KIRREL3: variants seen among roughly 807,000 people sequenced by gnomAD.
KIRREL3 encodes the protein kirre like nephrin family adhesion molecule 3.
In KIRREL3, 36 loss-of-function variants were observed where a neutral mutation model predicts 89.7. The ratio of observed to expected loss-of-function variants is 0.40; its 90% confidence interval spans 0.31 to 0.53. The LOEUF is 0.53. KIRREL3 is among the 20% of genes least tolerant of loss of function. KIRREL3 has a pLI of 0.49. For missense variants in KIRREL3, 864 were observed against 1,056.6 expected (o/e 0.82, Z 2.53); for synonymous variants, 445 against 441.4 (o/e 1.01, Z -0.10).
At chr11:126,952,214 T>A (rs1177073918) in intron 1 of KIRREL3, among the ~76,000 whole-genome samples, 2 of 152,120 alleles carry the variant, frequency 1.3e-5, no homozygotes, top group Non-Finnish European at 2.9e-5. Context: ...AGTGAGACCC[T>A]GTCTCTACCA....
At chr11:126,701,804 C>A (rs1947323115) in intron 1 of KIRREL3, among the ~76,000 whole-genome samples, 1 of 152,116 alleles carries the variant, frequency 6.6e-6, no homozygotes, top group Non-Finnish European at 1.5e-5. Flanking sequence ...TCCTTCTCTG[C>A]CCTGTACCTC....
At position 126,876,783 on chromosome 11, in the gene KIRREL3, C is replaced by A. The variant is rs1254141223; in HGVS notation, c.55+123672G>T. Among the ~76,000 whole-genome samples, 1 of 152,144 alleles carries A rather than the reference C, an allele frequency of 6.6e-6. No homozygotes were observed. Among genetic ancestry groups the A allele is most frequent in the African/African-American group, 2.4e-5 (1 of 41,438 alleles). ...TTGAACTCATGACCTGATCTGCCCGCCTCAGCCTCCCGAAGTGCTAGGATT... is the reference window on the plus strand; with the variant it reads ...TTGAACTCATGACCTGATCTGCCCGACTCAGCCTCCCGAAGTGCTAGGATT... On this transcript the variant is annotated intron_variant, in intron 1 of 16. Transcript: ENST00000525144. This position sits in a 1 kb window ranked among gnomAD's most constrained non-coding sequence, Gnocchi z 4.1.
intron 2 of KIRREL3, among the ~76,000 whole-genome samples, chr11:126,552,866 A>G (rs1335473234): frequency 1.3e-5 from 2 of 149,052 alleles, no homozygotes; most frequent in Admixed American, 1.3e-4. Flanking sequence ...CCAGGCCAAG[A>G]AAAGCTTTTT....
chr11:126,566,481 A>G lies in KIRREL3; in HGVS notation c.56-3569T>C, dbSNP rs757899224. On this transcript the variant is annotated intron_variant, in intron 1 of 16. Transcript: ENST00000525144. The surrounding 1 kb of genome is among the most constrained non-coding windows in gnomAD (Gnocchi z 4.9). Reference sequence around the variant, plus strand: ...GACTTAATGAAAGGGCTGGCTACAAAATATGGGACTGTGAAGGGTTCCTTC... The same window carrying G: ...GACTTAATGAAAGGGCTGGCTACAAGATATGGGACTGTGAAGGGTTCCTTC... Among the ~76,000 whole-genome samples the G allele has an allele frequency of 4.6e-5, 7 of 152,198 alleles. No homozygotes were observed. The highest frequency in any genetic ancestry group is 8.8e-5 in the Non-Finnish European group (6 of 68,036).
At chr11:126,646,689 G>T (rs1944698875) in intron 1 of KIRREL3, among the ~76,000 whole-genome samples, 1 of 151,976 alleles carries the variant, frequency 6.6e-6, no homozygotes, top group Admixed American at 6.6e-5. Flanking sequence ...TGGCCAGACT[G>T]GTCTCGAACT....
In KIRREL3 at chr11:126,445,066, G is replaced by T; in HGVS notation, c.1165C>A (p.Arg389Ser). The change falls in exon 10 of 17, where the codon CGC becomes AGC. Residue 389 changes from arginine to serine, a missense_variant. Physicochemically the swap from Arg to Ser is moderately radical, Grantham distance 110. Coordinates refer to ENST00000525144, the MANE Select transcript of KIRREL3 (RefSeq NM_032531.4). Reference protein sequence around the residue: ...NEKTLTLKSVRQEDAGKYVCR... With the variant: ...NEKTLTLKSVSQEDAGKYVCR... ...ACGTACTTGCCCGCGTCCTCCTGGCGCACGGATTTGAGGGTCAGGGTCTTC... is the reference window on the plus strand; with the variant it reads ...ACGTACTTGCCCGCGTCCTCCTGGCTCACGGATTTGAGGGTCAGGGTCTTC... 2 of 1,613,994 alleles carry T rather than the reference G, an allele frequency of 1.2e-6. No homozygotes were observed. Among genetic ancestry groups the T allele is most frequent in the Non-Finnish European group, 1.7e-6 (2 of 1,179,890 alleles).
Position 126,689,604 on chromosome 11 carries a change from C to T in KIRREL3, c.56-126692G>A, listed in dbSNP as rs906400876. ...ACATGCCTGATTATTCTATCCAAAC[C>T]CAGCCAGGAGATGGGAAGAGACATC... is the stretch of plus-strand genomic sequence containing the variant. On this transcript the variant is annotated intron_variant, in intron 1 of 16. Transcript: ENST00000525144. This position sits in a 1 kb window ranked among gnomAD's most constrained non-coding sequence, Gnocchi z 5.2. Among the ~76,000 whole-genome samples the T allele has an allele frequency of 1.3e-5, 2 of 152,186 alleles. No homozygotes were observed. Among genetic ancestry groups the T allele is most frequent in the African/African-American group, 4.8e-5 (2 of 41,448 alleles).
chr11:126,988,288 G>C (rs1056726619), intron 1 of KIRREL3, among the ~76,000 whole-genome samples: 1 of 152,206 alleles, frequency 6.6e-6, no homozygotes, highest in African/African-American at 2.4e-5. Flanking sequence ...TGGAGGCAGA[G>C]AGCAGTCGCT....
intron 1 of KIRREL3, among the ~76,000 whole-genome samples, chr11:126,604,317 T>C (rs772645265): frequency 3.9e-5 from 6 of 152,228 alleles, no homozygotes; most frequent in Non-Finnish European, 8.8e-5. Context: ...ATTCTGTTCC[T>C]AAGCTAGGAT....
Position 126,843,691 on chromosome 11 carries a change from A to G in KIRREL3, c.55+156764T>C, listed in dbSNP as rs918743659. Reference sequence around the variant, plus strand: ...AATTTTCCCAGTAAGTTAATCACAGAATGAGATAGGAGGTCAGCACAAGAT... The same window carrying G: ...AATTTTCCCAGTAAGTTAATCACAGGATGAGATAGGAGGTCAGCACAAGAT... On this transcript the variant is annotated intron_variant, in intron 1 of 16. Transcript: ENST00000525144. The surrounding 1 kb of genome is among the most constrained non-coding windows in gnomAD (Gnocchi z 4.6). 6.6e-6 allele frequency among the ~76,000 whole-genome samples: 1 copy of G among 152,178 alleles called. No individual in the cohort carries two copies. Among genetic ancestry groups the G allele is most frequent in the Non-Finnish European group, 1.5e-5 (1 of 68,038 alleles).
intron 1 of KIRREL3, among the ~76,000 whole-genome samples, chr11:126,758,895 T>C (rs1056778389): frequency 6.6e-6 from 1 of 152,120 alleles, no homozygotes; most frequent in Non-Finnish European, 1.5e-5. Context: ...GAATGAGACC[T>C]CTTGGAATTA....
chr11:126,648,549 C>T (rs1015311682), intron 1 of KIRREL3, among the ~76,000 whole-genome samples: 5 of 152,212 alleles, frequency 3.3e-5, no homozygotes, highest in South Asian at 2.1e-4. Flanking sequence ...TGCCTATCTC[C>T]ATCTGACATG....
At position 126,579,185 on chromosome 11, in the gene KIRREL3, C is replaced by T. The variant is rs566194989; in HGVS notation, c.56-16273G>A. Among the ~76,000 whole-genome samples, 4 of 152,284 alleles carry T rather than the reference C, an allele frequency of 2.6e-5. No homozygotes were observed. In the South Asian group the frequency reaches 8.3e-4, roughly 32 times the overall value. On this transcript the variant is annotated intron_variant, in intron 1 of 16. Coordinates refer to ENST00000525144, the MANE Select transcript of KIRREL3 (RefSeq NM_032531.4). This position sits in a 1 kb window ranked among gnomAD's most constrained non-coding sequence, Gnocchi z 5.3. ...TGGAGGATGAACGGGTCGTCTAAAACAGATGACGCTGGTGCGGGCCCCAGG... is the reference window on the plus strand; with the variant it reads ...TGGAGGATGAACGGGTCGTCTAAAATAGATGACGCTGGTGCGGGCCCCAGG...
At chr11:126,589,966 C>G (rs1942059606) in intron 1 of KIRREL3, among the ~76,000 whole-genome samples, 1 of 152,186 alleles carries the variant, frequency 6.6e-6, no homozygotes, top group Non-Finnish European at 1.5e-5. Context: ...CAGGGGCTCC[C>G]TCTGAATACC....
chr11:126,559,958 C>A (rs1939991836), intron 2 of KIRREL3, among the ~76,000 whole-genome samples: 1 of 152,184 alleles, frequency 6.6e-6, no homozygotes, highest in Admixed American at 6.5e-5. Flanking sequence ...GCTGGGATTA[C>A]AGGCATGAGC....
rs1944445337 is a variant in KIRREL3 at position 126,640,957 on chromosome 11, C to CGG, written c.56-78046_56-78045insCC. Among the ~76,000 whole-genome samples the CGG allele has an allele frequency of 6.6e-6, 1 of 152,182 alleles. No homozygotes were observed. The highest frequency in any genetic ancestry group is 1.5e-5 in the Non-Finnish European group (1 of 68,030). ...TCCACAGCCTAGACCACCCCCTAAACTCTGGACTCATCTATCCAATTGCCT... is the reference window on the plus strand; with the variant it reads ...TCCACAGCCTAGACCACCCCCTAAACGGTCTGGACTCATCTATCCAATTGCCT... On this transcript the variant is annotated intron_variant, in intron 1 of 16. Coordinates refer to ENST00000525144, the MANE Select transcript of KIRREL3 (RefSeq NM_032531.4). The surrounding 1 kb of genome is among the most constrained non-coding windows in gnomAD (Gnocchi z 4.9).
intron 1 of KIRREL3, among the ~76,000 whole-genome samples, chr11:126,980,316 A>C (rs1382686717): frequency 6.6e-6 from 1 of 152,208 alleles, no homozygotes; most frequent in Non-Finnish European, 1.5e-5. Context: ...ATGGTGCCAG[A>C]CAGAATGAAT....
At chr11:126,926,740 A>C (rs575586980) in intron 1 of KIRREL3, among the ~76,000 whole-genome samples, 1 of 152,338 alleles carries the variant, frequency 6.6e-6, no homozygotes, top group South Asian at 2.1e-4. Flanking sequence ...GCCAAGCAGC[A>C]TGGAAACCTC....
In KIRREL3 at chr11:126,655,999, G is replaced by C; in HGVS notation, c.56-93087C>G. On this transcript the variant is annotated intron_variant, in intron 1 of 16. Coordinates refer to ENST00000525144, the MANE Select transcript of KIRREL3 (RefSeq NM_032531.4). The surrounding 1 kb of genome is among the most constrained non-coding windows in gnomAD (Gnocchi z 5.0). ...GAAGGAGGGGTGGGAGGAGGCCTTA[G>C]AAGCTAATTAGAATCCTCTAGAAGT... The C allele has an allele frequency of 3.5e-6, 1 of 286,478 alleles. No individual in the cohort carries two copies. The highest frequency in any genetic ancestry group is 3.3e-5 in the South Asian group (1 of 30,160). The allele number at this position is 286,478 out of a possible 1,614,324, so 17.7% of individuals were successfully genotyped here.
Sources: allele counts gnomAD v4.1 joint callset (sites outside exome capture counted in the v4.1 genomes callset), GRCh38; gene constraint gnomAD v4.1.1; non-coding constraint Gnocchi (gnomAD v3.1); transcripts MANE v1.5; gene names NCBI Gene and HGNC (gene_info 2026-07-23, HGNC 2026-07-21).